Variants in LRRC69 observed in about 807,000 individuals in gnomAD.
LRRC69 encodes leucine-rich repeat-containing protein 69.
In LRRC69, 42 loss-of-function variants were observed where a neutral mutation model predicts 37.8. The ratio of observed to expected loss-of-function variants is 1.11; its 90% CI spans 0.87 to 1.44. LRRC69 has a LOEUF of 1.44. Among genes scored for constraint, LRRC69 ranks in the 40% most tolerant of loss-of-function variants. LRRC69 has a pLI of 0.00. For missense variants in LRRC69, 357 were observed against 401.9 expected, an observed-to-expected ratio of 0.89 and a Z score of 0.96; for synonymous variants, 141 against 143.1, an observed-to-expected ratio of 0.99 and a Z score of 0.11.
intron 7 of LRRC69, among the ~76,000 whole-genome samples, chr8:91,216,134 A>G (rs528749312): frequency 1.3e-5 from 2 of 152,188 alleles, no homozygotes; most frequent in African/African-American, 2.4e-5. Context: ...ATCACCTTCA[A>G]AGTTTCATGT....
intron 5 of LRRC69, among the ~76,000 whole-genome samples, chr8:91,167,707 A>G (rs1809054198): frequency 6.6e-6 from 1 of 152,072 alleles, no homozygotes; most frequent in Admixed American, 6.6e-5. Context: ...CAAGCTACCA[A>G]TATAATGTCA....
intron 1 of LRRC69, among the ~76,000 whole-genome samples, chr8:91,119,161 TAATTG>T (rs1354180850): frequency 1.3e-5 from 2 of 152,054 alleles, no homozygotes; most frequent in African/African-American, 2.4e-5. Flanking sequence ...ATCTTAAACA[TAATTG>T]AATTAATGAA....
chr8:91,138,551 A>ATT (rs34842999), intron 5 of LRRC69, among the ~76,000 whole-genome samples: 11,965 of 145,906 alleles, frequency 0.082, 1,603 homozygotes, highest in African/African-American at 0.28. Flanking sequence ...TCAGAGCAGT[A>ATT]TTTTTTTTTT....
At chr8:91,107,452 A>C (rs1813337015) in intron 1 of LRRC69, among the ~76,000 whole-genome samples, 1 of 151,874 alleles carries the variant, frequency 6.6e-6, no homozygotes. Flanking sequence ...TGATTCTTTT[A>C]ACAAATATTT....
chr8:91,181,853 C>T (rs1809331168), intron 5 of LRRC69, among the ~76,000 whole-genome samples: 1 of 152,112 alleles, frequency 6.6e-6, no homozygotes, highest in African/African-American at 2.4e-5. Context: ...TGTAACTAGA[C>T]TGTTAAAAAG....
At chr8:91,167,338 A>G (rs985505148) in intron 5 of LRRC69, among the ~76,000 whole-genome samples, 2 of 151,688 alleles carry the variant, frequency 1.3e-5, no homozygotes, top group Admixed American at 6.6e-5. Flanking sequence ...ACTCCTTTTT[A>G]TAAAACCATC....
intron 5 of LRRC69, among the ~76,000 whole-genome samples, chr8:91,136,455 T>G (rs1477895356): frequency 6.6e-6 from 1 of 152,002 alleles, no homozygotes; most frequent in East Asian, 1.9e-4. Flanking sequence ...AAAAAATGAG[T>G]GTAAAGTCTA....
At chr8:91,123,461 A>G (rs575427723) in intron 1 of LRRC69, among the ~76,000 whole-genome samples, 1 of 152,198 alleles carries the variant, frequency 6.6e-6, no homozygotes, top group African/African-American at 2.4e-5. Context: ...TCTTAGGATG[A>G]GAAATTTCAT....
In LRRC69 at chr8:91,200,754, G is replaced by A. The variant is rs139202525; in HGVS notation, c.895G>A (p.Val299Ile). Reference sequence around the variant, plus strand: ...AATATGTGGACAGTACTTTATAACCGTATGGCTGGAATGTGTTCGATTTGT... The same window carrying A: ...AATATGTGGACAGTACTTTATAACCATATGGCTGGAATGTGTTCGATTTGT... Residue 299 changes from valine to isoleucine, a missense_variant, in exon 7 of 8, where the codon GTA becomes ATA. By Grantham distance (29) the Val-to-Ile change is conservative (BLOSUM62 3). Coordinates refer to ENST00000448384, the Ensembl canonical transcript of LRRC69. The A allele has an allele frequency of 3.4e-5, 52 of 1,532,522 alleles. No individual in the cohort carries two copies. The highest frequency in any genetic ancestry group is 4.2e-5 in the African/African-American group (3 of 72,016). 94.9% of individuals were successfully genotyped at this position (1,532,522 alleles called of 1,614,324 possible).
At chr8:91,212,000 C>T (rs1809936105) in intron 7 of LRRC69, among the ~76,000 whole-genome samples, 1 of 152,064 alleles carries the variant, frequency 6.6e-6, no homozygotes. Context: ...TTTATTCAGT[C>T]TCAAATATCA....
At chr8:91,124,644 A>G (rs1253939586) in intron 2 of LRRC69, 25 bp downstream of exon 2, 2 of 1,494,034 alleles carry the variant, frequency 1.3e-6, no homozygotes, top group African/African-American at 2.9e-5. Context: ...AAGGAACAAC[A>G]TTATAGCATC....
intron 7 of LRRC69, among the ~76,000 whole-genome samples, chr8:91,205,280 C>A (rs768733105): frequency 6.6e-6 from 1 of 151,982 alleles, no homozygotes; most frequent in Non-Finnish European, 1.5e-5. Context: ...CTATACTAAC[C>A]CACGCTTAGG....
intron 5 of LRRC69, among the ~76,000 whole-genome samples, chr8:91,179,626 A>G (rs1480272478): frequency 2.0e-5 from 3 of 152,214 alleles, no homozygotes; most frequent in Non-Finnish European, 4.4e-5. Context: ...CATTCTTTCT[A>G]AAGATACCTT....
chr8:91,124,687 C>A, intron 2 of LRRC69, 68 bp downstream of exon 2: 1 of 1,313,046 alleles, frequency 7.6e-7, no homozygotes, highest in Admixed American at 3.4e-5. Context: ...TAATATGAGA[C>A]TGAAATGAAA....
intron 5 of LRRC69, among the ~76,000 whole-genome samples, chr8:91,145,852 C>T (rs1808610433): frequency 6.6e-6 from 1 of 151,794 alleles, no homozygotes; most frequent in Admixed American, 6.6e-5. Flanking sequence ...TTGCTTCTTT[C>T]ACCATTGTAA....
intron 6 of LRRC69, among the ~76,000 whole-genome samples, chr8:91,192,333 T>C (rs1451412754): frequency 1.3e-5 from 2 of 152,136 alleles, no homozygotes; most frequent in African/African-American, 4.8e-5. Flanking sequence ...TACAGCAGCA[T>C]GATTTATAGT....
intron 7 of LRRC69, among the ~76,000 whole-genome samples, chr8:91,211,440 T>A (rs111631680): frequency 0.028 from 4,244 of 151,258 alleles, 89 homozygotes; most frequent in Non-Finnish European, 0.04. Flanking sequence ...TTAAAAAAAA[T>A]TTAAATGCCG....
chr8:91,148,216 A>G (rs887036319), intron 5 of LRRC69, among the ~76,000 whole-genome samples: 1 of 151,162 alleles, frequency 6.6e-6, no homozygotes, highest in Non-Finnish European at 1.5e-5. Flanking sequence ...ATATCTCCTA[A>G]TGCTATACCT....
At chr8:91,196,352 T>G (rs1251847966) in intron 6 of LRRC69, among the ~76,000 whole-genome samples, 1 of 151,814 alleles carries the variant, frequency 6.6e-6, no homozygotes, top group East Asian at 1.9e-4. Context: ...GGAGTATCTT[T>G]GTTGTGTTCT....
Sources: allele counts gnomAD v4.1 joint callset (sites outside exome capture counted in the v4.1 genomes callset), GRCh38; gene constraint gnomAD v4.1.1; transcripts MANE v1.5; gene names NCBI Gene and HGNC (gene_info 2026-07-23, HGNC 2026-07-21).